Variants in PTPRN2 observed in about 807,000 individuals in gnomAD.
The protein encoded by PTPRN2 is receptor-type tyrosine-protein phosphatase N2.
A neutral mutation model predicts 118.8 loss-of-function variants in PTPRN2; 74 were observed. The ratio of observed to expected loss-of-function variants is 0.62; its 90% confidence interval spans 0.52 to 0.76. The LOEUF is 0.76. Ranked by LOEUF, PTPRN2 falls within the 30% of genes least tolerant of loss-of-function variation. PTPRN2 has a pLI of 0.00. For missense variants in PTPRN2, 1,481 were observed against 1,394.4 expected, an observed-to-expected ratio of 1.06 and a Z score of -0.99; for synonymous variants, 641 against 608.0, an observed-to-expected ratio of 1.05 and a Z score of -0.80.
chr7:158,296,678 T>G (rs958874650), intron 3 of PTPRN2, among the ~76,000 whole-genome samples: 1 of 152,190 alleles, frequency 6.6e-6, no homozygotes, highest in African/African-American at 2.4e-5. Context: ...TATGCTCCCC[T>G]GCAGGTGGGA....
intron 12 of PTPRN2, among the ~76,000 whole-genome samples, chr7:157,751,013 C>A (rs1801429168): frequency 6.6e-6 from 1 of 152,210 alleles, no homozygotes; most frequent in African/African-American, 2.4e-5. Context: ...ACCGTGGGCT[C>A]TAAAGAGCCT....
intron 2 of PTPRN2, among the ~76,000 whole-genome samples, chr7:158,489,400 T>C (rs1171172946): frequency 6.6e-6 from 1 of 152,144 alleles, no homozygotes. Context: ...TGAGAGGAGA[T>C]AGCCCCGCTG....
chr7:158,235,480 A>G (rs1829470758), intron 3 of PTPRN2, among the ~76,000 whole-genome samples: 1 of 152,248 alleles, frequency 6.6e-6, no homozygotes, highest in Non-Finnish European at 1.5e-5. Flanking sequence ...GTGAAGTGAA[A>G]TAAGCCAAAC....
At chr7:158,039,305 T>C (rs113304927) in intron 11 of PTPRN2, among the ~76,000 whole-genome samples, 113 of 152,210 alleles carry the variant, frequency 7.4e-4, no homozygotes, top group Non-Finnish European at 5.7e-4. Context: ...TTCCAACCCA[T>C]CTGGCCTTCC....
rs1687091310 is a variant in PTPRN2, at chr7:157,953,287, C to T, written c.1724-54550G>A. On this transcript the variant is annotated intron_variant, in intron 11 of 22. Transcript: ENST00000389418. This position sits in a 1 kb window ranked among gnomAD's most constrained non-coding sequence, Gnocchi z 4.6. ...GAGCCGGGTGTGAGAAGCCTCCTTC[C>T]TAGGGCCTGTGTCTCTGGAGTGCAC... is the stretch of plus-strand genomic sequence containing the variant. 6.6e-6 allele frequency among the ~76,000 whole-genome samples: 1 copy of T among 152,138 alleles called. No homozygotes were observed. Among genetic ancestry groups the T allele is most frequent in the Admixed American group, 6.5e-5 (1 of 15,280 alleles).
chr7:158,261,355 T>C (rs1398430887), intron 3 of PTPRN2, among the ~76,000 whole-genome samples: 1 of 151,972 alleles, frequency 6.6e-6, no homozygotes, highest in Non-Finnish European at 1.5e-5. Flanking sequence ...TGGGAAATAA[T>C]AAAGCACACG....
At chr7:157,932,074 C>A (rs898781607) in intron 11 of PTPRN2, among the ~76,000 whole-genome samples, 2 of 152,222 alleles carry the variant, frequency 1.3e-5, no homozygotes, top group East Asian at 1.9e-4. Context: ...AAATCTCTCT[C>A]TATATTTATA....
chr7:158,340,796 C>CGTTACTCACACCCACACAT (rs1806593221), intron 2 of PTPRN2, among the ~76,000 whole-genome samples: 1 of 82,144 alleles, frequency 1.2e-5, no homozygotes, highest in African/African-American at 5.0e-5. Flanking sequence ...CACCTGCAGA[C>CGTTACTCACACCCACACAT]GTCACTCACA....
intron 12 of PTPRN2, among the ~76,000 whole-genome samples, chr7:157,789,439 T>C (rs1206237060): frequency 1.3e-5 from 2 of 152,238 alleles, no homozygotes; most frequent in African/African-American, 4.8e-5. Flanking sequence ...TCGGGCTTCA[T>C]GAGCCTCAGA....
At chr7:157,548,487 A>C (rs1798432906) in intron 22 of PTPRN2, among the ~76,000 whole-genome samples, 1 of 152,198 alleles carries the variant, frequency 6.6e-6, no homozygotes, top group Non-Finnish European at 1.5e-5. Context: ...CTGTTGCTGC[A>C]AACTGGGCCT....
At chr7:157,954,368 G>A (rs537716842) in intron 11 of PTPRN2, among the ~76,000 whole-genome samples, 15 of 150,004 alleles carry the variant, frequency 1.0e-4, no homozygotes, top group Admixed American at 2.0e-4. Context: ...GGTGTGTGTA[G>A]TCTCTGCATG....
In PTPRN2 at chr7:157,621,408, C is replaced by G; in HGVS notation, c.2298G>C (p.Gln766His). 1 of 1,614,164 alleles carries G rather than the reference C, an allele frequency of 6.2e-7. No individual in the cohort carries two copies. Among genetic ancestry groups the G allele is most frequent in the Non-Finnish European group, 8.5e-7 (1 of 1,180,038 alleles). Residue 766 changes from glutamine (Q) to histidine (H), a missense_variant, in exon 15 of 23, where the codon CAG becomes CAC. This residue lies in a region of PTPRN2 where 362 missense variants were observed against 384.1 expected (regional missense o/e 0.94). Coordinates refer to ENST00000389418, the MANE Select transcript of PTPRN2 (RefSeq NM_002847.5). Reference sequence around the variant, plus strand: ...GGTTCTTGGGCACGTTCTCCTCCCTCTGGGCCACGAACGAGCTGTTGGGCT... The same window carrying G: ...GGTTCTTGGGCACGTTCTCCTCCCTGTGGGCCACGAACGAGCTGTTGGGCT... ...QAEPNSSFVA[Q>H]REENVPKNRS...
intron 5 of PTPRN2, among the ~76,000 whole-genome samples, chr7:158,178,049 T>G (rs574460430): frequency 6.6e-6 from 1 of 152,358 alleles, no homozygotes; most frequent in East Asian, 1.9e-4. Flanking sequence ...TATTTTGTTT[T>G]TTTAAATTTT....
At position 157,911,014 on chromosome 7, in the gene PTPRN2, G is replaced by C. The variant is rs193053041; in HGVS notation, c.1724-12277C>G. 2.9e-4 allele frequency among the ~76,000 whole-genome samples: 44 copies of C among 152,320 alleles called. No individual in the cohort carries two copies. In the East Asian group the frequency reaches 8.3e-3, roughly 29 times the overall value. The stretch of plus-strand genomic sequence containing the variant: ...AATTCCCAGAGAGGGAGAAGAGAAG[G>C]GGGGTGCCCTTGCCTGTGCCTGTGC... On this transcript the variant is annotated intron_variant, in intron 11 of 22. Transcript: ENST00000389418.
At chr7:157,760,279 T>C (rs770533131) in intron 12 of PTPRN2, among the ~76,000 whole-genome samples, 2 of 151,708 alleles carry the variant, frequency 1.3e-5, no homozygotes, top group South Asian at 2.1e-4. Context: ...CAGGTTTGGC[T>C]CCCAGGAGTG....
intron 3 of PTPRN2, among the ~76,000 whole-genome samples, chr7:158,268,355 C>CCGTG (rs1798030281): frequency 6.7e-6 from 1 of 148,274 alleles, no homozygotes. Context: ...AATATCCCAG[C>CCGTG]TGCACGCACA....
At chr7:157,946,970 T>C (rs1192164851) in intron 11 of PTPRN2, among the ~76,000 whole-genome samples, 1 of 152,180 alleles carries the variant, frequency 6.6e-6, no homozygotes, top group African/African-American at 2.4e-5. Flanking sequence ...TCCCATCCCT[T>C]GCTCTCTGAA....
In PTPRN2 at chr7:158,394,931, C is replaced by T. The variant is rs1442162544; in HGVS notation, c.164-77999G>A. Among the ~76,000 whole-genome samples the T allele has an allele frequency of 9.8e-5, 15 of 152,338 alleles. No homozygotes were observed. In the East Asian group the frequency reaches 2.5e-3, roughly 26 times the overall value. The stretch of plus-strand genomic sequence containing the variant: ...GGCTGTGCAGGCCGCATCTCTGCAA[C>T]GCGTCAGCCAGAGAAAGCCGGGGGC... On this transcript the variant is annotated intron_variant, in intron 2 of 22. Coordinates refer to ENST00000389418, the MANE Select transcript of PTPRN2 (RefSeq NM_002847.5).
chr7:157,543,698 G>A (rs1385406036), intron 22 of PTPRN2, among the ~76,000 whole-genome samples: 1 of 152,240 alleles, frequency 6.6e-6, no homozygotes, highest in African/African-American at 2.4e-5. Flanking sequence ...ACCTTAAAGA[G>A]GACCTCAGTG....
Sources: allele counts gnomAD v4.1 joint callset (sites outside exome capture counted in the v4.1 genomes callset), GRCh38; gene constraint gnomAD v4.1.1; regional missense constraint gnomAD v4.1.1; non-coding constraint Gnocchi (gnomAD v3.1); transcripts MANE v1.5; gene names NCBI Gene and HGNC (gene_info 2026-07-23, HGNC 2026-07-21).